The following METTL15 variants were observed in gnomAD, a reference collection of about 807,000 sequenced individuals.
The protein encoded by METTL15 is 12S rRNA N(4)-cytidine methyltransferase METTL15.
In METTL15, 34 loss-of-function variants were observed where a neutral mutation model predicts 38.3. That is an observed-to-expected ratio of 0.89 (90% CI 0.68 to 1.18). The LOEUF is 1.18. Ranked by LOEUF, METTL15 falls within the 50% of genes most tolerant of loss-of-function variation. METTL15 has a pLI of 0.00. For missense variants in METTL15, 438 were observed against 498.4 expected, an observed-to-expected ratio of 0.88 and a Z score of 1.15; for synonymous variants, 162 against 170.9, an observed-to-expected ratio of 0.95 and a Z score of 0.41.
chr11:28,222,430 G>A (rs1012608704), intron 4 of METTL15, among the ~76,000 whole-genome samples: 1 of 152,172 alleles, frequency 6.6e-6, no homozygotes, highest in Non-Finnish European at 1.5e-5. Flanking sequence ...GGAGTAACCC[G>A]ATTTTCCAGG....
intron 4 of METTL15, among the ~76,000 whole-genome samples, chr11:28,252,495 G>A (rs1168386164): frequency 2.0e-5 from 3 of 152,018 alleles, no homozygotes; most frequent in Admixed American, 2.0e-4. Context: ...TTTGCCATTA[G>A]CTCCACCATC....
At chr11:28,413,303 A>T (rs1425109193) in intron 5 of METTL15, among the ~76,000 whole-genome samples, 1 of 152,096 alleles carries the variant, frequency 6.6e-6, no homozygotes, top group Non-Finnish European at 1.5e-5. Flanking sequence ...CCTGAAAATG[A>T]TAGTATTCCT....
chr11:28,271,698 A>G (rs1242375983), intron 4 of METTL15, among the ~76,000 whole-genome samples: 1 of 152,224 alleles, frequency 6.6e-6, no homozygotes, highest in Non-Finnish European at 1.5e-5. Flanking sequence ...GAATTACTAT[A>G]CTAAAAGCCA....
chr11:28,289,592 T>C (rs926113413), intron 4 of METTL15, among the ~76,000 whole-genome samples: 10 of 152,226 alleles, frequency 6.6e-5, no homozygotes, highest in Middle Eastern at 6.8e-3. Flanking sequence ...TGATCCCAAT[T>C]CCTGCCTGTC....
chr11:28,359,758 A>C (rs1276356914), intron 4 of METTL15, among the ~76,000 whole-genome samples: 1 of 152,182 alleles, frequency 6.6e-6, no homozygotes, highest in Non-Finnish European at 1.5e-5. Flanking sequence ...AACTCACCAG[A>C]AACATGCCGA....
intron 6 of METTL15, among the ~76,000 whole-genome samples, chr11:28,329,335 A>G (rs571371809): frequency 3.3e-4 from 50 of 152,096 alleles, no homozygotes; most frequent in Non-Finnish European, 6.8e-4. Flanking sequence ...CCAGTACCAC[A>G]CTGTCTTATC....
chr11:28,200,815 A>T (rs1193330216), intron 3 of METTL15, among the ~76,000 whole-genome samples: 1 of 152,030 alleles, frequency 6.6e-6, no homozygotes, highest in African/African-American at 2.4e-5. Context: ...TGCTGGGATG[A>T]TGGGGTTTTC....
At chr11:28,435,489 T>G (rs1323299354) in intron 6 of METTL15, among the ~76,000 whole-genome samples, 1 of 152,212 alleles carries the variant, frequency 6.6e-6, no homozygotes, top group Non-Finnish European at 1.5e-5. Context: ...GGAATGCTCC[T>G]CAGTCTATTG....
chr11:28,128,114 T>C (rs1202646776), intron 3 of METTL15, among the ~76,000 whole-genome samples: 1 of 152,168 alleles, frequency 6.6e-6, no homozygotes, highest in African/African-American at 2.4e-5. Flanking sequence ...TTCTTGCATG[T>C]AAATTTCCAT....
At chr11:28,187,920 G>C (rs1392036634) in intron 3 of METTL15, among the ~76,000 whole-genome samples, 1 of 151,038 alleles carries the variant, frequency 6.6e-6, no homozygotes, top group Non-Finnish European at 1.5e-5. Context: ...TGTATCTTCT[G>C]ATATGAAAAG....
At chr11:28,376,598 C>G (rs1284104990) in intron 5 of METTL15, among the ~76,000 whole-genome samples, 3 of 151,792 alleles carry the variant, frequency 2.0e-5, no homozygotes, top group Non-Finnish European at 2.9e-5. Flanking sequence ...CGGCATGGGT[C>G]TTGACTCTTT....
At chr11:28,264,373 A>G (rs1855327356) in intron 4 of METTL15, among the ~76,000 whole-genome samples, 1 of 152,138 alleles carries the variant, frequency 6.6e-6, no homozygotes, top group African/African-American at 2.4e-5. Flanking sequence ...TAATTAAAGC[A>G]ATATAATTAG....
Position 28,129,368 on chromosome 11 carries a change from A to G in METTL15, c.270+15764A>G, listed in dbSNP as rs138368084. ...TTGGTGTTTGTACTTTTTCTTAAAT[A>G]TAAAACTTGGGAAAAAATCTTCAAA... On this transcript the variant is annotated intron_variant, in intron 3 of 6. Transcript: ENST00000407364. Among the ~76,000 whole-genome samples the G allele has an allele frequency of 6.2e-4, 95 of 152,222 alleles. 1 individual carries two copies. Among genetic ancestry groups the G allele is most frequent in the African/African-American group, 2.2e-3 (90 of 41,544 alleles).
At chr11:28,138,277 C>T (rs928828544) in intron 3 of METTL15, among the ~76,000 whole-genome samples, 4 of 151,960 alleles carry the variant, frequency 2.6e-5, no homozygotes, top group Admixed American at 2.6e-4. Flanking sequence ...GTCCTTTTTC[C>T]AGAAAAACAA....
chr11:28,158,950 C>T (rs1850356782), intron 3 of METTL15, among the ~76,000 whole-genome samples: 1 of 152,022 alleles, frequency 6.6e-6, no homozygotes, highest in Admixed American at 6.6e-5. Flanking sequence ...ACTGTTTCTC[C>T]CATAGCCGGG....
intron 6 of METTL15, among the ~76,000 whole-genome samples, chr11:28,427,901 C>T (rs959424707): frequency 6.6e-6 from 1 of 152,108 alleles, no homozygotes; most frequent in African/African-American, 2.4e-5. Context: ...TATTAGAATA[C>T]CTTTATTTCT....
intron 4 of METTL15, among the ~76,000 whole-genome samples, chr11:28,263,118 C>T (rs368673932): frequency 7.9e-5 from 12 of 151,858 alleles, no homozygotes; most frequent in African/African-American, 2.7e-4. Context: ...TGTGGTGCTC[C>T]GAACTGAACA....
chr11:28,141,003 C>G (rs1849680641), intron 3 of METTL15, among the ~76,000 whole-genome samples: 2 of 152,156 alleles, frequency 1.3e-5, no homozygotes, highest in Admixed American at 1.3e-4. Flanking sequence ...CAAATAGGTT[C>G]TTCTTGCCCG....
chr11:28,400,562 G>T (rs10835323), intron 5 of METTL15, among the ~76,000 whole-genome samples: 1 of 151,722 alleles, frequency 6.6e-6, no homozygotes, highest in South Asian at 2.1e-4. Flanking sequence ...GAATTTGTCA[G>T]TGGAGTCTGA....
Sources: allele counts gnomAD v4.1 joint callset (sites outside exome capture counted in the v4.1 genomes callset), GRCh38; gene constraint gnomAD v4.1.1; transcripts MANE v1.5; gene names NCBI Gene and HGNC (gene_info 2026-07-23, HGNC 2026-07-21).